The following CCNY variants were observed in gnomAD, a reference collection of about 807,000 sequenced individuals.
CCNY encodes the protein cyclin-Y.
In CCNY, 19 loss-of-function variants were observed where a neutral mutation model predicts 42.8. The ratio of observed to expected loss-of-function variants is 0.44; its 90% confidence interval spans 0.31 to 0.65. The LOEUF (loss-of-function observed/expected upper bound fraction) is 0.65. Among genes scored for constraint, CCNY ranks in the 30% least tolerant of loss-of-function variants. The pLI is 0.07. For synonymous variants in CCNY, 165 were observed against 162.7 expected (o/e 1.01, Z -0.11); for missense variants, 370 against 437.3 (o/e 0.85, Z 1.37).
chr10:35,311,329 A>G (rs1429421184), intron 3 of CCNY, among the ~76,000 whole-genome samples: 1 of 151,444 alleles, frequency 6.6e-6, no homozygotes, highest in Non-Finnish European at 1.5e-5. Flanking sequence ...ATTAACAACA[A>G]CAACAAAAAA....
intron 5 of CCNY, 69 bp from the exon 6 acceptor site, chr10:35,529,904 T>G: frequency 1.5e-5 from 20 of 1,355,590 alleles, no homozygotes; most frequent in Non-Finnish European, 2.0e-5. Flanking sequence ...AATTAAAATG[T>G]ATTTTTGTTT....
chr10:35,360,417 A>G lies in CCNY; in HGVS notation c.154+23210A>G, dbSNP rs115581276. On this transcript the variant is annotated intron_variant, in intron 1 of 9. Coordinates refer to ENST00000374704, the MANE Select transcript of CCNY (RefSeq NM_145012.6). ...TCCTCCTGTCTCAGACTCCTGAGTA[A>G]CTGGGACCACAGGCATGCACCACCA... Among the ~76,000 whole-genome samples, 1,091 of 151,308 alleles carry G rather than the reference A, an allele frequency of 7.2e-3. 13 individuals are homozygous for G. Among genetic ancestry groups the G allele is most frequent in the African/African-American group, 0.023 (963 of 41,234 alleles).
At chr10:35,394,813 T>C (rs1382775859) in intron 1 of CCNY, 1 of 984,298 alleles carries the variant, frequency 1.0e-6, no homozygotes, top group Admixed American at 6.2e-5. Context: ...TTCTCCTGTT[T>C]AGGTGACCCC....
In CCNY at chr10:35,543,775, G is replaced by T. The variant is rs546883222; in HGVS notation, c.580-9244G>T. On this transcript the variant is annotated intron_variant, in intron 7 of 9. Transcript: ENST00000374704. Reference sequence around the variant, plus strand: ...CAGGAGGTGTTCTGGAAGCAGGCAGGAGACCACTGCTTTGTGTGTATTATT... The same window carrying T: ...CAGGAGGTGTTCTGGAAGCAGGCAGTAGACCACTGCTTTGTGTGTATTATT... Among the ~76,000 whole-genome samples the T allele has an allele frequency of 7.4e-4, 113 of 152,288 alleles. 1 individual carries two copies. Among genetic ancestry groups the T allele is most frequent in the African/African-American group, 2.6e-3 (108 of 41,574 alleles).
rs570914308 is a variant in CCNY, at chr10:35,336,844, TCGCCGC to T, written c.-193_-188del. 10 of 149,672 alleles carry T rather than the reference TCGCCGC, an allele frequency of 6.7e-5. No homozygotes were observed. The highest frequency in any genetic ancestry group is 2.0e-4 in the East Asian group (1 of 4,950). The allele number at this position is 149,672 out of a possible 1,614,324, so 9.3% of individuals were successfully genotyped here. A position where few individuals can be genotyped will look rare whatever the true frequency, so the allele number is the denominator to read the frequency against. On this transcript the variant is annotated 5_prime_UTR_variant, in exon 1 of 10. Transcript: ENST00000374704. The stretch of plus-strand genomic sequence containing the variant: ...GGGAGCCGGGGCCGTCGCCCGCTCG[TCGCCGC>T]CGCCGCCGCCGCCGCCCATGGCGAG...
chr10:35,324,992 G>A (rs559908317), intron 3 of CCNY, among the ~76,000 whole-genome samples: 67 of 152,288 alleles, frequency 4.4e-4, no homozygotes, highest in Non-Finnish European at 8.1e-4. Flanking sequence ...AGAAGAGATT[G>A]AAATTTTAAG....
chr10:35,306,140 T>C (rs1835603608), intron 3 of CCNY, among the ~76,000 whole-genome samples: 1 of 152,194 alleles, frequency 6.6e-6, no homozygotes, highest in African/African-American at 2.4e-5. Context: ...GTTTAAGTGA[T>C]TCTCCTGCCT....
intron 1 of CCNY, among the ~76,000 whole-genome samples, chr10:35,356,432 C>G (rs753212711): frequency 3.2e-4 from 48 of 152,198 alleles, no homozygotes; most frequent in Non-Finnish European, 3.4e-4. Context: ...GTAAACAGCT[C>G]TGTTCCCAGC....
chr10:35,539,679 C>T (rs374551777), intron 7 of CCNY, among the ~76,000 whole-genome samples: 3 of 152,012 alleles, frequency 2.0e-5, no homozygotes, highest in East Asian at 1.9e-4. Context: ...CCCAGCTACT[C>T]GGGAGGCTGA....
chr10:35,442,509 C>T (rs1289161107), intron 1 of CCNY, among the ~76,000 whole-genome samples: 1 of 152,132 alleles, frequency 6.6e-6, no homozygotes, highest in Non-Finnish European at 1.5e-5. Context: ...GGTGGTCTAC[C>T]TGCAAGACTT....
chr10:35,351,159 G>T (rs1449109265), intron 1 of CCNY, among the ~76,000 whole-genome samples: 1 of 152,192 alleles, frequency 6.6e-6, no homozygotes, highest in Non-Finnish European at 1.5e-5. Flanking sequence ...GGACTGCCCA[G>T]GCCATTACCA....
At chr10:35,482,796 GTGTGT>G (rs1839701020) in intron 1 of CCNY, among the ~76,000 whole-genome samples, 1 of 128,158 alleles carries the variant, frequency 7.8e-6, no homozygotes, top group East Asian at 2.3e-4. Context: ...GTGTGTGTGT[GTGTGT>G]TATGTGTTTG....
chr10:35,324,736 T>G (rs1835859808), intron 3 of CCNY, among the ~76,000 whole-genome samples: 1 of 152,146 alleles, frequency 6.6e-6, no homozygotes, highest in African/African-American at 2.4e-5. Context: ...AATTATAGAG[T>G]GCTGCTTTTG....
At chr10:35,332,114 G>A (rs1166732761), upstream of CCNY, among the ~76,000 whole-genome samples, 1 of 152,188 alleles carries the variant, frequency 6.6e-6, no homozygotes, top group East Asian at 1.9e-4. Context: ...ACAAAAGGCA[G>A]GCCTCATTTG....
intron 3 of CCNY, among the ~76,000 whole-genome samples, chr10:35,287,960 T>C (rs1053051356): frequency 2.6e-5 from 4 of 152,218 alleles, no homozygotes; most frequent in African/African-American, 9.6e-5. Context: ...ATTTTCACTT[T>C]TCTTGGGTAA....
intron 8 of CCNY, among the ~76,000 whole-genome samples, chr10:35,563,938 G>A (rs1423707184): frequency 2.7e-5 from 4 of 150,836 alleles, no homozygotes; most frequent in South Asian, 2.1e-4. Context: ...GTGCAATGGC[G>A]CAATCTTGGC....
chr10:35,486,823 C>G (rs904501285), intron 2 of CCNY, among the ~76,000 whole-genome samples: 1 of 152,184 alleles, frequency 6.6e-6, no homozygotes, highest in Non-Finnish European at 1.5e-5. Flanking sequence ...TTCTCCTTCC[C>G]TTTTTCACAC....
In CCNY at chr10:35,314,318, T is replaced by TCTTA. The variant is rs1835726871; in HGVS notation, c.-9+63694_-9+63697dup. 2.6e-5 allele frequency among the ~76,000 whole-genome samples: 4 copies of TCTTA among 152,204 alleles called. No homozygotes were observed. The South Asian group carries it at 8.3e-4, about 32-fold the overall frequency. Reference sequence around the variant, plus strand: ...ATCATGGTGGAAGGCAAAAGGCACATCTTACATGGTGGCAGTCAAGAGAGA... The same window carrying TCTTA: ...ATCATGGTGGAAGGCAAAAGGCACATCTTACTTACATGGTGGCAGTCAAGAGAGA... On this transcript the variant is annotated intron_variant, in intron 3 of 11. Coordinates refer to the CCNY transcript ENST00000374706.
intron 3 of CCNY, among the ~76,000 whole-genome samples, chr10:35,262,613 C>T (rs1248311140): frequency 6.6e-6 from 1 of 152,010 alleles, no homozygotes. Context: ...GCATCCACTT[C>T]GGCCTCCCAA....
Sources: allele counts gnomAD v4.1 joint callset (sites outside exome capture counted in the v4.1 genomes callset), GRCh38; gene constraint gnomAD v4.1.1; transcripts MANE v1.5; gene names NCBI Gene and HGNC (gene_info 2026-07-23, HGNC 2026-07-21).